Variants in YBX3 observed in about 807,000 individuals in gnomAD.
YBX3 encodes Y-box-binding protein 3.
Under a neutral mutation model 42.4 loss-of-function variants are expected in YBX3, and 29 were observed. That is an observed-to-expected ratio of 0.68 (90% CI 0.51 to 0.93). YBX3 has a LOEUF of 0.93. Ranked by LOEUF, YBX3 falls within the 40% of genes least tolerant of loss-of-function variation. YBX3 has a pLI of 0.00. For missense variants in YBX3, 517 were observed against 527.5 expected (o/e 0.98, Z 0.19); for synonymous variants, 195 against 189.8 (o/e 1.03, Z -0.22).
intron 3 of YBX3, 58 bp downstream of exon 3, chr12:10,718,030 C>A: frequency 6.9e-7 from 1 of 1,448,494 alleles, no homozygotes; most frequent in South Asian, 1.3e-5. Flanking sequence ...AAAGGGCTGA[C>A]AGAAGATTAC....
intron 6 of YBX3, 129 bp downstream of exon 6, chr12:10,709,779 G>A: frequency 8.6e-7 from 1 of 1,166,654 alleles, no homozygotes; most frequent in Non-Finnish European, 1.3e-6. Flanking sequence ...CCTTGCCTCA[G>A]CTTTTGTAGC....
chr12:10,701,441 C>G, intron 8 of YBX3, 88 bp from the exon 9 acceptor site: 1 of 750,836 alleles, frequency 1.3e-6, no homozygotes, highest in Non-Finnish European at 2.5e-6. Context: ...TTTGAATTTT[C>G]CTGTGAAGGA....
chr12:10,706,270 A>C (rs910716651), intron 6 of YBX3, among the ~76,000 whole-genome samples: 1 of 152,184 alleles, frequency 6.6e-6, no homozygotes, highest in African/African-American at 2.4e-5. Context: ...AAAGCAAATC[A>C]AATCAAGCAA....
At chr12:10,715,039 C>A (rs1948244347) in intron 4 of YBX3, among the ~76,000 whole-genome samples, 1 of 151,818 alleles carries the variant, frequency 6.6e-6, no homozygotes, top group Non-Finnish European at 1.5e-5. Flanking sequence ...TGTGGGCCAC[C>A]ACGCCCAGCT....
chr12:10,716,932 C>T (rs1948269735), intron 3 of YBX3, among the ~76,000 whole-genome samples: 1 of 152,198 alleles, frequency 6.6e-6, no homozygotes, highest in Non-Finnish European at 1.5e-5. Context: ...GGGTCATATA[C>T]TCACAGGCTA....
At chr12:10,701,135 A>G in intron 9 of YBX3, 119 bp downstream of exon 9, 2 of 622,754 alleles carry the variant, frequency 3.2e-6, no homozygotes, top group Non-Finnish European at 5.8e-6. Flanking sequence ...CCCAATAGAG[A>G]CAAGGGGTTG....
At chr12:10,719,576 T>C (rs971765840) in intron 1 of YBX3, among the ~76,000 whole-genome samples, 14 of 152,206 alleles carry the variant, frequency 9.2e-5, no homozygotes, top group Non-Finnish European at 1.9e-4. Flanking sequence ...CAAACTTTAA[T>C]GAGAAACAAG....
At chr12:10,715,020 G>T (rs565724214) in intron 4 of YBX3, among the ~76,000 whole-genome samples, 21 of 151,910 alleles carry the variant, frequency 1.4e-4, no homozygotes, top group Admixed American at 1.1e-3. Context: ...AAAGTACTGG[G>T]ATTACAGGTG....
chr12:10,716,411 T>C (rs1029733827), intron 3 of YBX3, among the ~76,000 whole-genome samples: 5 of 152,194 alleles, frequency 3.3e-5, no homozygotes, highest in Admixed American at 2.6e-4. Flanking sequence ...ATATGATATT[T>C]ATTCAACTTT....
chr12:10,721,495 T>C (rs1948324378), intron 1 of YBX3, among the ~76,000 whole-genome samples: 1 of 152,186 alleles, frequency 6.6e-6, no homozygotes, highest in South Asian at 2.1e-4. Context: ...CCAAGAAATA[T>C]TTGCTAGAAA....
intron 6 of YBX3, among the ~76,000 whole-genome samples, chr12:10,704,775 GGGTAAGT>G (rs1358037415): frequency 6.6e-6 from 1 of 152,118 alleles, no homozygotes; most frequent in Non-Finnish European, 1.5e-5. Context: ...CCATTACCCT[GGGTAAGT>G]GGTCCAAGTT....
Position 10,699,409 on chromosome 12 carries a change from G to A in YBX3, c.*280C>T, listed in dbSNP as rs1225840689. ...CCAGGAAAAAAAATAGAAACCTAGCGGTTGCTGAAACTGGAGAGGCTACTC... is the reference window on the plus strand; with the variant it reads ...CCAGGAAAAAAAATAGAAACCTAGCAGTTGCTGAAACTGGAGAGGCTACTC... On this transcript the variant is annotated 3_prime_UTR_variant, in exon 10 of 10. Coordinates refer to ENST00000228251, the MANE Select transcript of YBX3 (RefSeq NM_003651.5). The A allele has an allele frequency of 1.3e-5, 2 of 152,566 alleles. No individual in the cohort carries two copies. Among genetic ancestry groups the A allele is most frequent in the Non-Finnish European group, 1.5e-5 (1 of 67,978 alleles). 9.5% of individuals were successfully genotyped at this position (152,566 alleles called of 1,614,324 possible).
At chr12:10,722,725 G>C (rs1948343598) in intron 1 of YBX3, 125 bp downstream of exon 1, 1 of 905,052 alleles carries the variant, frequency 1.1e-6, no homozygotes, top group East Asian at 3.6e-5. Flanking sequence ...GAGATCCCTG[G>C]GGACCCTGTG....
chr12:10,709,245 T>C (rs1023356261), intron 6 of YBX3, among the ~76,000 whole-genome samples: 4 of 152,206 alleles, frequency 2.6e-5, no homozygotes, highest in Non-Finnish European at 2.9e-5. Flanking sequence ...GATCTATCCC[T>C]AGTTTTCCAA....
chr12:10,700,689 C>A (rs138885681), intron 9 of YBX3, among the ~76,000 whole-genome samples: 1,566 of 152,158 alleles, frequency 0.01, 22 homozygotes, highest in African/African-American at 0.035. Flanking sequence ...TAATTAGTAT[C>A]CTAATTTTTA....
intron 6 of YBX3, among the ~76,000 whole-genome samples, chr12:10,707,019 A>AAAATAAATAAATAAAT (rs139588933): frequency 0.013 from 1,893 of 149,574 alleles, 34 homozygotes; most frequent in African/African-American, 0.039. Context: ...TCCATCTCAA[A>AAAATAAATAAATAAAT]AAATAAATAA....
chr12:10,722,843 G>T lies in YBX3; in HGVS notation c.262+7C>A. The T allele has an allele frequency of 6.8e-7, 1 of 1,481,322 alleles. No individual in the cohort carries two copies. Among genetic ancestry groups the T allele is most frequent in the South Asian group, 1.3e-5 (1 of 74,678 alleles). The allele number at this position is 1,481,322 out of a possible 1,614,324, so 91.8% of individuals were successfully genotyped here. A position where few individuals can be genotyped will look rare whatever the true frequency, so the allele number is the denominator to read the frequency against. ...CGGCAGCCCCTGCCCTCCCTGGCCT[G>T]ACTCACCGAGAACTTTTTTCTCCGC... On this transcript the variant is annotated splice_region_variant and intron_variant, in intron 1 of 9. Transcript: ENST00000228251.
intron 3 of YBX3, 78 bp downstream of exon 3, chr12:10,718,006 GACTT>G: frequency 8.4e-7 from 1 of 1,184,530 alleles, no homozygotes; most frequent in Non-Finnish European, 1.2e-6. Context: ...TAATCCATAG[GACTT>G]ACTTTTGGGA....
chr12:10,699,889 T>G (rs947250597), intron 9 of YBX3, among the ~76,000 whole-genome samples: 3 of 152,118 alleles, frequency 2.0e-5, no homozygotes, highest in African/African-American at 7.2e-5. Context: ...AGCAAAAATT[T>G]TATAAAATTG....
Sources: allele counts gnomAD v4.1 joint callset (sites outside exome capture counted in the v4.1 genomes callset), GRCh38; gene constraint gnomAD v4.1.1; transcripts MANE v1.5; gene names NCBI Gene and HGNC (gene_info 2026-07-23, HGNC 2026-07-21).